RFTN2: variants seen among roughly 807,000 people sequenced by gnomAD.
RFTN2 encodes the protein raftlin-2.
In RFTN2, 34 loss-of-function variants were observed where a neutral mutation model predicts 52.7. The observed-to-expected ratio is 0.64, with a 90% CI of 0.49 to 0.86. The LOEUF (loss-of-function observed/expected upper bound fraction) is 0.86, where lower values mean the gene tolerates loss of function less well. Ranked by LOEUF, RFTN2 falls within the 40% of genes least tolerant of loss-of-function variation. RFTN2 has a pLI of 0.00. For synonymous variants in RFTN2, 203 were observed against 217.7 expected, an observed-to-expected ratio of 0.93 and a Z score of 0.59; for missense variants, 536 against 600.1, an observed-to-expected ratio of 0.89 and a Z score of 1.12.
chr2:197,589,219 C>CAAAAAA lies in RFTN2; in HGVS notation c.1233+6766_1233+6771dup, dbSNP rs35798927. Among the ~76,000 whole-genome samples, 20 of 33,550 alleles carry CAAAAAA rather than the reference C, an allele frequency of 6.0e-4. 3 individuals carry two copies. Among genetic ancestry groups the CAAAAAA allele is most frequent in the Non-Finnish European group, 7.9e-4 (15 of 19,082 alleles). 22.0% of individuals were successfully genotyped at this position (33,550 alleles called of 152,430 possible). ...CCTGGGTGACAGAGTGACTCTGTCTCAAAAAAAAAAAAAAAAAAAAAAAAA... is the reference window on the plus strand; with the variant it reads ...CCTGGGTGACAGAGTGACTCTGTCTCAAAAAAAAAAAAAAAAAAAAAAAAAAAAAAA... On this transcript the variant is annotated intron_variant, in intron 8 of 8. Transcript: ENST00000295049.
intron 8 of RFTN2, among the ~76,000 whole-genome samples, chr2:197,589,285 GCCATCCA>G (rs1239709303): frequency 1.6e-5 from 2 of 126,438 alleles, no homozygotes; most frequent in Admixed American, 1.8e-4. Context: ...TTTGCCTGCC[GCCATCCA>G]CCATCCACGT....
At chr2:197,586,289 T>C (rs541077188) in intron 8 of RFTN2, among the ~76,000 whole-genome samples, 1 of 152,092 alleles carries the variant, frequency 6.6e-6, no homozygotes, top group Non-Finnish European at 1.5e-5. Flanking sequence ...TCACACACCA[T>C]GAAAATCGAA....
chr2:197,578,859 C>A (rs1435185861), intron 8 of RFTN2, among the ~76,000 whole-genome samples: 1 of 152,182 alleles, frequency 6.6e-6, no homozygotes, highest in Non-Finnish European at 1.5e-5. Context: ...TGAGAAAGAT[C>A]CATCTACAAC....
intron 7 of RFTN2, among the ~76,000 whole-genome samples, chr2:197,612,719 T>A (rs2088083077): frequency 6.6e-6 from 1 of 152,264 alleles, no homozygotes; most frequent in Non-Finnish European, 1.5e-5. Flanking sequence ...AATGCAGCTT[T>A]AAACCCTAGT....
chr2:197,576,878 C>T (rs958535650), intron 8 of RFTN2, among the ~76,000 whole-genome samples: 1 of 152,088 alleles, frequency 6.6e-6, no homozygotes. Flanking sequence ...AGGAAAATAA[C>T]CCTTGGGGCC....
intron 1 of RFTN2, among the ~76,000 whole-genome samples, chr2:197,646,916 A>AAAAAAC (rs2088761418): frequency 1.3e-5 from 2 of 151,218 alleles, no homozygotes; most frequent in Admixed American, 6.6e-5. Flanking sequence ...AAAAAAAAAA[A>AAAAAAC]AAAACTCCAA....
At chr2:197,627,882 C>T (rs929322632) in intron 5 of RFTN2, among the ~76,000 whole-genome samples, 49 of 133,110 alleles carry the variant, frequency 3.7e-4, no homozygotes, top group Admixed American at 4.6e-4. Flanking sequence ...CCCGCCCCCC[C>T]GCCCCCCCGT....
At position 197,659,301 on chromosome 2, in the gene RFTN2, C is replaced by A. The variant is rs187076884; in HGVS notation, c.140-12635G>T. Among the ~76,000 whole-genome samples the A allele has an allele frequency of 3.8e-3, 571 of 151,162 alleles. 7 individuals are homozygous for A. Among genetic ancestry groups the A allele is most frequent in the African/African-American group, 0.013 (554 of 41,180 alleles). ...GGATCAGGTGGTCAGGAGATCGAGACCATCCTGGTCAACATGGTGAAACCC... is the reference window on the plus strand; with the variant it reads ...GGATCAGGTGGTCAGGAGATCGAGAACATCCTGGTCAACATGGTGAAACCC... On this transcript the variant is annotated intron_variant, in intron 1 of 8. Coordinates refer to ENST00000295049, the MANE Select transcript of RFTN2 (RefSeq NM_144629.3).
chr2:197,632,684 G>A (rs935330556), intron 4 of RFTN2, among the ~76,000 whole-genome samples: 3 of 152,178 alleles, frequency 2.0e-5, no homozygotes, highest in Non-Finnish European at 4.4e-5. Flanking sequence ...AGAGGAGGGT[G>A]GTGGTGATGA....
chr2:197,578,336 A>G (rs868207191), intron 8 of RFTN2, among the ~76,000 whole-genome samples: 1 of 152,014 alleles, frequency 6.6e-6, no homozygotes, highest in South Asian at 2.1e-4. Flanking sequence ...TGGCAAAAAT[A>G]CTTAGCACTG....
chr2:197,599,037 C>T (rs1402006165), intron 7 of RFTN2, among the ~76,000 whole-genome samples: 1 of 151,786 alleles, frequency 6.6e-6, no homozygotes. Context: ...CTGCAAGCTC[C>T]GCCTCCCGGG....
intron 5 of RFTN2, among the ~76,000 whole-genome samples, chr2:197,627,688 T>C (rs1196484269): frequency 2.6e-5 from 4 of 152,070 alleles, no homozygotes; most frequent in African/African-American, 9.7e-5. Flanking sequence ...GCTCTGGCGG[T>C]GGTGGGGCAT....
intron 6 of RFTN2, 24 bp downstream of exon 6, chr2:197,617,776 A>T (rs199886687): frequency 1.6e-6 from 2 of 1,277,486 alleles, no homozygotes; most frequent in Non-Finnish European, 2.1e-6. Flanking sequence ...TGTAAAGCTA[A>T]ATTGTCAGAA....
chr2:197,587,135 C>G (rs756961333), intron 8 of RFTN2, among the ~76,000 whole-genome samples: 1 of 152,042 alleles, frequency 6.6e-6, no homozygotes, highest in Non-Finnish European at 1.5e-5. Flanking sequence ...TTCTATATGA[C>G]AAATACTCCT....
intron 1 of RFTN2, among the ~76,000 whole-genome samples, chr2:197,659,556 G>A (rs994198413): frequency 6.6e-6 from 1 of 150,802 alleles, no homozygotes; most frequent in East Asian, 2.0e-4. Flanking sequence ...GGTGGCTCAT[G>A]CCTGTAATCC....
intron 1 of RFTN2, among the ~76,000 whole-genome samples, chr2:197,671,464 AAT>A (rs1482960764): frequency 6.6e-6 from 1 of 152,242 alleles, no homozygotes; most frequent in Non-Finnish European, 1.5e-5. Context: ...TTCAACAAAG[AAT>A]ATTGACCATC....
At chr2:197,651,460 A>G (rs1031841392) in intron 1 of RFTN2, among the ~76,000 whole-genome samples, 20 of 152,222 alleles carry the variant, frequency 1.3e-4, no homozygotes, top group African/African-American at 4.8e-4. Context: ...CTCTACTAAA[A>G]ATACAAAAAT....
chr2:197,668,666 C>T (rs1308921602), intron 1 of RFTN2, among the ~76,000 whole-genome samples: 1 of 152,190 alleles, frequency 6.6e-6, no homozygotes, highest in Non-Finnish European at 1.5e-5. Flanking sequence ...GTCTGCATTT[C>T]TCTTGTGGCT....
intron 1 of RFTN2, among the ~76,000 whole-genome samples, chr2:197,664,601 G>C (rs1050413213): frequency 2.0e-5 from 3 of 151,546 alleles, no homozygotes; most frequent in African/African-American, 7.3e-5. Flanking sequence ...GAGACCCCTA[G>C]TTCTACAAAA....
Sources: allele counts gnomAD v4.1 joint callset (sites outside exome capture counted in the v4.1 genomes callset), GRCh38; gene constraint gnomAD v4.1.1; transcripts MANE v1.5; gene names NCBI Gene and HGNC (gene_info 2026-07-23, HGNC 2026-07-21).